Variants in ANKRD27 observed in about 807,000 individuals in gnomAD.
ANKRD27 encodes the protein ankyrin repeat domain-containing protein 27.
In ANKRD27, 112 loss-of-function variants were observed where a neutral mutation model predicts 129.7. That is an observed-to-expected ratio of 0.86 (90% confidence interval 0.74 to 1.01). ANKRD27 has a LOEUF of 1.01. Among genes scored for constraint, ANKRD27 ranks in the 50% least tolerant of loss-of-function variants. The probability of loss-of-function intolerance (pLI) is 0.00; values close to 1 mark genes in which losing one functional copy is unlikely to be tolerated. For missense variants in ANKRD27, 1,258 were observed against 1,300.5 expected, an observed-to-expected ratio of 0.97 and a Z score of 0.50; for synonymous variants, 516 against 511.2, an observed-to-expected ratio of 1.01 and a Z score of -0.13.
chr19:32,625,580 G>A (rs1469444530), intron 17 of ANKRD27, among the ~76,000 whole-genome samples: 1 of 151,644 alleles, frequency 6.6e-6, no homozygotes, highest in Non-Finnish European at 1.5e-5. Flanking sequence ...ACAGGTGCCC[G>A]CCACCACGCC....
chr19:32,613,581 T>C (rs1971864746), intron 22 of ANKRD27, among the ~76,000 whole-genome samples: 1 of 152,084 alleles, frequency 6.6e-6, no homozygotes, highest in Non-Finnish European at 1.5e-5. Flanking sequence ...TATGCCACCA[T>C]TAAACAAATG....
chr19:32,646,032 A>G (rs948406630), intron 4 of ANKRD27, among the ~76,000 whole-genome samples: 66 of 152,106 alleles, frequency 4.3e-4, no homozygotes, highest in African/African-American at 1.5e-3. Flanking sequence ...TCTGGGTTCA[A>G]GCAATTCTCC....
Position 32,619,257 on chromosome 19 carries a change from C to A in ANKRD27, c.2007+3G>T. The A allele has an allele frequency of 6.2e-7, 1 of 1,611,056 alleles. No homozygotes were observed. Among genetic ancestry groups the A allele is most frequent in the Non-Finnish European group, 8.5e-7 (1 of 1,178,474 alleles). On this transcript the variant is annotated splice_donor_region_variant and intron_variant, in intron 20 of 28. Transcript: ENST00000306065. ...TCCCCAGCCCTTCCTCTGGAAGCCT[C>A]ACCTCTCTGTAGTCCTTCTTGGTCT...
At chr19:32,661,406 C>T (rs1465112823) in intron 1 of ANKRD27, among the ~76,000 whole-genome samples, 2 of 152,120 alleles carry the variant, frequency 1.3e-5, no homozygotes, top group Admixed American at 6.6e-5. Context: ...TCGTAGCTCA[C>T]CGTAACCTTG....
chr19:32,662,361 C>T (rs926724393), intron 1 of ANKRD27, among the ~76,000 whole-genome samples: 2 of 151,030 alleles, frequency 1.3e-5, no homozygotes, highest in African/African-American at 4.9e-5. Flanking sequence ...TTCCGCAGCC[C>T]CTGAATCAGA....
At chr19:32,652,666 G>A (rs963608818) in intron 2 of ANKRD27, among the ~76,000 whole-genome samples, 1 of 152,044 alleles carries the variant, frequency 6.6e-6, no homozygotes, top group African/African-American at 2.4e-5. Context: ...GGTGGCTCAC[G>A]CCTGTAATCA....
chr19:32,614,112 G>T (rs1050988397), intron 22 of ANKRD27, among the ~76,000 whole-genome samples: 1 of 152,088 alleles, frequency 6.6e-6, no homozygotes, highest in Admixed American at 6.6e-5. Context: ...GTGGCTGTAA[G>T]AGGGCAGTTT....
Position 32,604,343 on chromosome 19 carries a change from C to T in ANKRD27, c.2575G>A (p.Val859Ile), listed in dbSNP as rs769389334. ...GCTCCGTGGAGCAGAAGCAGCTCTA[C>T]CACGAAGACGTGCTTTTCAATCACA... ...EAVIEKHVFV[V>I]ELLLLHGASV... The change falls in exon 25 of 29, where the codon GTA becomes ATA. Residue 859 changes from valine (V) to isoleucine (I), a missense_variant. Physicochemically the swap from Val to Ile is conservative, Grantham distance 29. Transcript: ENST00000306065. 82 of 1,613,856 alleles carry T rather than the reference C, an allele frequency of 5.1e-5. No homozygotes were observed. Among genetic ancestry groups the T allele is most frequent in the Non-Finnish European group, 6.9e-5 (81 of 1,179,882 alleles).
At chr19:32,606,000 C>A in intron 23 of ANKRD27, 46 bp from the exon 24 acceptor site, 1 of 1,517,084 alleles carries the variant, frequency 6.6e-7, no homozygotes, top group South Asian at 1.3e-5. Context: ...AAATTTCTGT[C>A]ATTTCCTGCC....
At chr19:32,617,268 G>A (rs570957077) in intron 21 of ANKRD27, among the ~76,000 whole-genome samples, 12 of 152,266 alleles carry the variant, frequency 7.9e-5, no homozygotes, top group Admixed American at 5.9e-4. Flanking sequence ...CTAAAGCTGG[G>A]CAGGGTGGCT....
intron 25 of ANKRD27, 77 bp downstream of exon 25, chr19:32,604,186 C>T (rs1971694355): frequency 2.7e-6 from 4 of 1,471,292 alleles, no homozygotes; most frequent in Non-Finnish European, 3.6e-6. Flanking sequence ...TATTTTAGAT[C>T]CAGCTTAAAC....
At chr19:32,598,517 TC>T (rs1219691021) in intron 28 of ANKRD27, 139 bp from the exon 29 acceptor site, 3 of 732,592 alleles carry the variant, frequency 4.1e-6, no homozygotes, top group Non-Finnish European at 7.0e-6. Context: ...AATTCTCACA[TC>T]CCTGTCGTGG....
At chr19:32,625,112 T>C (rs1364515339) in intron 17 of ANKRD27, among the ~76,000 whole-genome samples, 2 of 151,358 alleles carry the variant, frequency 1.3e-5, no homozygotes, top group African/African-American at 4.9e-5. Flanking sequence ...AAAAATTAGC[T>C]GGGTGTGGTG....
intron 22 of ANKRD27, among the ~76,000 whole-genome samples, chr19:32,609,259 TC>T (rs1285548633): frequency 2.6e-5 from 4 of 152,104 alleles, no homozygotes; most frequent in African/African-American, 9.7e-5. Flanking sequence ...TACTATATAA[TC>T]CAGCAATTAT....
At chr19:32,622,392 A>G in intron 18 of ANKRD27, 30 bp downstream of exon 18, 1 of 1,611,548 alleles carries the variant, frequency 6.2e-7, no homozygotes, top group Non-Finnish European at 8.5e-7. Context: ...TTTCGAAGTC[A>G]TCTTGCCCCT....
chr19:32,644,531 A>ACT, intron 4 of ANKRD27, 52 bp from the exon 5 acceptor site: 1 of 1,597,394 alleles, frequency 6.3e-7, no homozygotes, highest in South Asian at 1.1e-5. Context: ...CTGGTTCCTG[A>ACT]CTCTGTCCTA....
Position 32,642,126 on chromosome 19 carries a change from T to C in ANKRD27, c.802A>G (p.Lys268Glu). Residue 268 changes from lysine (K) to glutamate (E), a missense_variant, in exon 10 of 29, where the codon AAA becomes GAA. By Grantham distance (56) the Lys-to-Glu change is moderately conservative. Coordinates refer to ENST00000306065, the MANE Select transcript of ANKRD27 (RefSeq NM_032139.3). ...TTGTTCAGCTGAGCCAGCTCTCTTT[T>C]GGCACGAGGTATGTTAAAGCTGTAA... ...PEFSFNIPRA[K>E]RELAQLNKCT... The C allele has an allele frequency of 1.2e-6, 2 of 1,606,630 alleles. No individual in the cohort carries two copies. The highest frequency in any genetic ancestry group is 1.7e-5 in the Admixed American group (1 of 58,774).
At chr19:32,647,558 T>C (rs1207002667) in intron 3 of ANKRD27, among the ~76,000 whole-genome samples, 3 of 152,210 alleles carry the variant, frequency 2.0e-5, no homozygotes, top group African/African-American at 2.4e-5. Flanking sequence ...GGGCAGGGGC[T>C]GTGTTCAGAT....
chr19:32,614,554 A>C (rs1386801838), intron 22 of ANKRD27, among the ~76,000 whole-genome samples: 1 of 151,846 alleles, frequency 6.6e-6, no homozygotes, highest in Non-Finnish European at 1.5e-5. Context: ...AAATACAAAA[A>C]ATTAGCTGGG....
Sources: gnomAD v4.1 joint callset for allele counts (sites outside exome capture counted in the v4.1 genomes callset) on GRCh38, gnomAD v4.1.1 for gene constraint, MANE v1.5 for transcripts, NCBI Gene and HGNC (gene_info 2026-07-23, HGNC 2026-07-21) for gene names.